USH2A: variants seen among roughly 807,000 people sequenced by gnomAD.
USH2A encodes the protein usherin.
In USH2A, 443 loss-of-function variants were observed where a neutral mutation model predicts 538.9. The observed-to-expected ratio is 0.82, with a 90% CI of 0.76 to 0.89. The LOEUF is 0.89. Among genes scored for constraint, USH2A ranks in the 40% least tolerant of loss-of-function variants. The pLI is 0.00. For missense variants in USH2A, 6,633 were observed against 6,324.8 expected (o/e 1.05, Z -1.65); for synonymous variants, 2,413 against 2,273.5 (o/e 1.06, Z -1.75).
At chr1:215,760,686 A>C (rs1275883538) in intron 56 of USH2A, among the ~76,000 whole-genome samples, 2 of 152,176 alleles carry the variant, frequency 1.3e-5, no homozygotes, top group African/African-American at 4.8e-5. Context: ...GACAAAACAC[A>C]CAAAAATAAT....
At chr1:216,014,218 G>A (rs1018042296) in intron 32 of USH2A, among the ~76,000 whole-genome samples, 2 of 152,030 alleles carry the variant, frequency 1.3e-5, no homozygotes, top group Non-Finnish European at 2.9e-5. Flanking sequence ...AAGAGGAGGA[G>A]GCATCAGGTT....
intron 37 of USH2A, among the ~76,000 whole-genome samples, chr1:215,937,794 T>C (rs1318948601): frequency 6.6e-6 from 1 of 152,172 alleles, no homozygotes; most frequent in Non-Finnish European, 1.5e-5. Flanking sequence ...CATGAGAATA[T>C]AATTTTACAA....
chr1:216,077,462 T>C (rs2031788911), intron 27 of USH2A, among the ~76,000 whole-genome samples: 1 of 151,724 alleles, frequency 6.6e-6, no homozygotes, highest in South Asian at 2.1e-4. Context: ...TGAATTGCAT[T>C]GATATTTTTT....
rs368852259 is a variant in USH2A, at chr1:215,698,264, T to G, written c.12067-17888A>C. Among the ~76,000 whole-genome samples, 13 of 152,350 alleles carry G rather than the reference T, an allele frequency of 8.5e-5. No homozygotes were observed. The South Asian group carries it at 2.3e-3, about 27-fold the overall frequency. On this transcript the variant is annotated intron_variant, in intron 61 of 71. Coordinates refer to ENST00000307340, the MANE Select transcript of USH2A (RefSeq NM_206933.4). ...TGGGTTGGTTCCAAGTCTTGGATAT[T>G]GTGAATAGTGCCACAATAAATATGT...
rs189403360 is a variant in USH2A, at chr1:216,139,593, A to G, written c.4627+35659T>C. Among the ~76,000 whole-genome samples the G allele has an allele frequency of 5.6e-3, 858 of 152,298 alleles. 1 individual carries two copies. The highest frequency in any genetic ancestry group is 9.3e-3 in the Non-Finnish European group (631 of 68,028). ...TAGACAAAGCAAGAGCCTGAATTAG[A>G]ATAGACCATAGTGTTGATGTTTATT... On this transcript the variant is annotated intron_variant, in intron 21 of 71. Transcript: ENST00000307340.
chr1:215,846,364 C>G (rs1663846685), intron 44 of USH2A, among the ~76,000 whole-genome samples: 1 of 152,042 alleles, frequency 6.6e-6, no homozygotes, highest in South Asian at 2.1e-4. Context: ...AGGCTCAGGC[C>G]ATCACACTAG....
At chr1:216,029,332 A>G (rs1669037754) in intron 32 of USH2A, among the ~76,000 whole-genome samples, 1 of 152,088 alleles carries the variant, frequency 6.6e-6, no homozygotes, top group Non-Finnish European at 1.5e-5. Context: ...GTGCTTTACA[A>G]TATACACTTT....
At chr1:215,692,899 CT>C (rs1209775342) in intron 61 of USH2A, among the ~76,000 whole-genome samples, 1 of 151,596 alleles carries the variant, frequency 6.6e-6, no homozygotes, top group Non-Finnish European at 1.5e-5. Flanking sequence ...TTACCATTTT[CT>C]TTTCGTTTTT....
chr1:215,840,786 G>T lies in USH2A; in HGVS notation c.9259-2683C>A, dbSNP rs549091024. ...GTGCCTTTGAAAACTCAGCTTTCCC[G>T]AACACTGGTCAAAAGAAGACAATAC... On this transcript the variant is annotated intron_variant, in intron 46 of 71. Coordinates refer to ENST00000307340, the MANE Select transcript of USH2A (RefSeq NM_206933.4). 4.6e-5 allele frequency among the ~76,000 whole-genome samples: 7 copies of T among 152,232 alleles called. 1 individual carries two copies. The South Asian group carries it at 1.5e-3, about 32-fold the overall frequency.
At chr1:216,230,148 C>T (rs942207723) in intron 14 of USH2A, among the ~76,000 whole-genome samples, 7 of 152,060 alleles carry the variant, frequency 4.6e-5, no homozygotes, top group Non-Finnish European at 8.8e-5. Context: ...AGATATTTTT[C>T]TCCTGGTAAA....
chr1:215,869,912 G>A (rs1026052713), intron 43 of USH2A, among the ~76,000 whole-genome samples: 16 of 152,204 alleles, frequency 1.1e-4, no homozygotes, highest in Admixed American at 3.9e-4. Context: ...CACAATTTAC[G>A]TCTACAAAAC....
chr1:216,225,473 A>G (rs1251776658), intron 14 of USH2A, among the ~76,000 whole-genome samples: 1 of 152,226 alleles, frequency 6.6e-6, no homozygotes, highest in Admixed American at 6.5e-5. Flanking sequence ...TCAAGTTACC[A>G]GCATTCCACA....
chr1:216,082,245 A>C (rs1351091250), intron 26 of USH2A, among the ~76,000 whole-genome samples: 1 of 103,406 alleles, frequency 9.7e-6, no homozygotes, highest in Non-Finnish European at 2.1e-5. Flanking sequence ...GAAGAGAACC[A>C]AGGTCCTTAG....
chr1:215,717,309 G>T (rs560657857), intron 61 of USH2A, among the ~76,000 whole-genome samples: 1 of 152,234 alleles, frequency 6.6e-6, no homozygotes, highest in Admixed American at 6.5e-5. Context: ...TGATAGAAAG[G>T]TCTACGGAAT....
chr1:216,328,307 C>A (rs775091174), intron 4 of USH2A, among the ~76,000 whole-genome samples: 1 of 152,052 alleles, frequency 6.6e-6, no homozygotes, highest in East Asian at 1.9e-4. Flanking sequence ...AATTAGGTGA[C>A]CTTTCAAGGC....
chr1:216,332,582 T>A (rs957167199), intron 4 of USH2A, among the ~76,000 whole-genome samples: 3 of 152,070 alleles, frequency 2.0e-5, no homozygotes, highest in African/African-American at 7.2e-5. Flanking sequence ...AAGCAGGAAG[T>A]GGGGACTAAA....
In USH2A at chr1:215,983,150, C is replaced by T. The variant is rs183428672; in HGVS notation, c.6805+9870G>A. Among the ~76,000 whole-genome samples, 122 of 152,152 alleles carry T rather than the reference C, an allele frequency of 8.0e-4. 1 individual carries two copies. The East Asian group carries it at 0.019, about 23-fold the overall frequency. Reference sequence around the variant, plus strand: ...ATTTTTAGTAGAGACGGGGTTTCGCCATGTTGGCCAGGCTGGTCTTGAACT... The same window carrying T: ...ATTTTTAGTAGAGACGGGGTTTCGCTATGTTGGCCAGGCTGGTCTTGAACT... On this transcript the variant is annotated intron_variant, in intron 35 of 71. Transcript: ENST00000307340.
intron 46 of USH2A, among the ~76,000 whole-genome samples, chr1:215,842,196 G>C (rs1663698961): frequency 6.6e-6 from 1 of 151,952 alleles, no homozygotes; most frequent in African/African-American, 2.4e-5. Context: ...TGGTGTGGTG[G>C]TGGGCACCTG....
intron 61 of USH2A, among the ~76,000 whole-genome samples, chr1:215,718,803 T>C (rs1291702638): frequency 6.6e-6 from 1 of 152,214 alleles, no homozygotes; most frequent in Non-Finnish European, 1.5e-5. Flanking sequence ...AGCAGAGTAG[T>C]TCAATTAACT....
Sources: gnomAD v4.1 joint callset for allele counts (sites outside exome capture counted in the v4.1 genomes callset) on GRCh38, gnomAD v4.1.1 for gene constraint, MANE v1.5 for transcripts, NCBI Gene and HGNC (gene_info 2026-07-23, HGNC 2026-07-21) for gene names.